Variants in DCLK1 observed in about 807,000 individuals in gnomAD.
The protein encoded by DCLK1 is serine/threonine-protein kinase DCLK1.
DCLK1 carries 16 observed loss-of-function variants against 86.2 expected under a neutral mutation model. That is an observed-to-expected ratio of 0.19 (90% CI 0.13 to 0.28). The LOEUF is 0.28. DCLK1 is among the 10% of genes least tolerant of loss of function. The pLI, the probability that DCLK1 is intolerant of heterozygous loss-of-function variation, is 1.00. For missense variants in DCLK1, 590 were observed against 940.2 expected (o/e 0.63, Z 4.87); for synonymous variants, 369 against 370.5 (o/e 1.00, Z 0.05).
chr13:35,965,866 C>A (rs1488062399), intron 3 of DCLK1, among the ~76,000 whole-genome samples: 1 of 151,922 alleles, frequency 6.6e-6, no homozygotes, highest in Admixed American at 6.6e-5. Context: ...AAAACAAGAA[C>A]AATAAGAGAC....
At chr13:35,895,802 C>T (rs745828574) in intron 4 of DCLK1, among the ~76,000 whole-genome samples, 1 of 151,402 alleles carries the variant, frequency 6.6e-6, no homozygotes, top group Non-Finnish European at 1.5e-5. Context: ...AGAGTAAACG[C>T]TCTTTTAGTA....
chr13:36,054,485 A>G (rs1484731206), intron 3 of DCLK1, among the ~76,000 whole-genome samples: 1 of 152,206 alleles, frequency 6.6e-6, no homozygotes, highest in Non-Finnish European at 1.5e-5. Context: ...TATGCTAATA[A>G]CTAAACACTG....
chr13:35,850,582 T>C, intron 6 of DCLK1: 1 of 1,272,052 alleles, frequency 7.9e-7, no homozygotes, highest in Non-Finnish European at 1.0e-6. Flanking sequence ...TGCATACATA[T>C]TTACTTTTGG....
intron 5 of DCLK1, among the ~76,000 whole-genome samples, chr13:35,868,240 C>G (rs1436117530): frequency 6.6e-6 from 1 of 152,076 alleles, no homozygotes; most frequent in Non-Finnish European, 1.5e-5. Flanking sequence ...CCAGGATGGT[C>G]TCGATCTCCT....
intron 3 of DCLK1, among the ~76,000 whole-genome samples, chr13:35,966,235 AC>A (rs1878726163): frequency 6.6e-6 from 1 of 152,204 alleles, no homozygotes; most frequent in South Asian, 2.1e-4. Context: ...CTGATTTCTC[AC>A]AAAAAATTAA....
At chr13:35,800,137 T>C (rs1255826356) in intron 15 of DCLK1, among the ~76,000 whole-genome samples, 1 of 152,242 alleles carries the variant, frequency 6.6e-6, no homozygotes, top group Non-Finnish European at 1.5e-5. Flanking sequence ...TTCACCAACA[T>C]TAATCACAAT....
chr13:36,017,674 A>AACC (rs1192643202), intron 3 of DCLK1, among the ~76,000 whole-genome samples: 1 of 152,180 alleles, frequency 6.6e-6, no homozygotes, highest in Non-Finnish European at 1.5e-5. Flanking sequence ...ATGCTTCACC[A>AACC]ACCACCACAT....
At chr13:36,117,646 T>C (rs941864041) in intron 2 of DCLK1, among the ~76,000 whole-genome samples, 1 of 151,922 alleles carries the variant, frequency 6.6e-6, no homozygotes, top group Non-Finnish European at 1.5e-5. Flanking sequence ...AAACAACAAA[T>C]AACAAAACTG....
Position 35,826,540 on chromosome 13 carries a change from A to AGGAAGGAAGGAAGGAAGGAAGGAAGG in DCLK1, c.1407+1094_1407+1095insCCTTCCTTCCTTCCTTCCTTCCTTCC, listed in dbSNP as rs1382422000. ...CTCCATCTCAAAAAAAAAAAAAAAA[A>AGGAAGGAAGGAAGGAAGGAAGGAAGG]AAGAAAGAAAGAAAGAAAGAAACAA... is the stretch of plus-strand genomic sequence containing the variant. On this transcript the variant is annotated intron_variant, in intron 10 of 16. Transcript: ENST00000360631. Among the ~76,000 whole-genome samples, 632 of 92,754 alleles carry AGGAAGGAAGGAAGGAAGGAAGGAAGG rather than the reference A, an allele frequency of 6.8e-3. 183 individuals carry two copies. Among genetic ancestry groups the AGGAAGGAAGGAAGGAAGGAAGGAAGG allele is most frequent in the Non-Finnish European group, 8.9e-3 (347 of 38,986 alleles). 60.9% of individuals were successfully genotyped at this position (92,754 alleles called of 152,430 possible).
intron 3 of DCLK1, among the ~76,000 whole-genome samples, chr13:36,013,845 T>C (rs1379926190): frequency 6.6e-6 from 1 of 152,206 alleles, no homozygotes; most frequent in Non-Finnish European, 1.5e-5. Flanking sequence ...CGCCTTGCAG[T>C]TTGATCTCAG....
chr13:35,837,255 A>T (rs990517016), intron 7 of DCLK1, among the ~76,000 whole-genome samples: 5 of 152,248 alleles, frequency 3.3e-5, no homozygotes, highest in Admixed American at 1.3e-4. Context: ...AGTTGGCATC[A>T]ATCTGAATTC....
intron 4 of DCLK1, among the ~76,000 whole-genome samples, chr13:35,944,638 T>C (rs1197374943): frequency 1.3e-5 from 2 of 152,176 alleles, no homozygotes; most frequent in Non-Finnish European, 2.9e-5. Context: ...TGAGCCCCTT[T>C]CCTTCCATAT....
intron 3 of DCLK1, among the ~76,000 whole-genome samples, chr13:36,005,250 G>A (rs1880899114): frequency 6.6e-6 from 1 of 152,150 alleles, no homozygotes; most frequent in African/African-American, 2.4e-5. Flanking sequence ...TTGTAAGAGT[G>A]AGTATTTGGA....
chr13:36,095,397 G>A (rs114785440), intron 3 of DCLK1, among the ~76,000 whole-genome samples: 1 of 151,790 alleles, frequency 6.6e-6, no homozygotes, highest in African/African-American at 2.4e-5. Context: ...AGTAGAGACG[G>A]GTTTCACTGT....
At chr13:35,827,805 G>A (rs371280514) in intron 9 of DCLK1, 51 bp from the exon 10 acceptor site, 68 of 1,604,740 alleles carry the variant, frequency 4.2e-5, no homozygotes, top group Non-Finnish European at 5.4e-5. Flanking sequence ...CATGTGGAGG[G>A]CTAACTCAAA....
At chr13:35,925,301 G>A (rs1276871757) in intron 4 of DCLK1, among the ~76,000 whole-genome samples, 1 of 152,206 alleles carries the variant, frequency 6.6e-6, no homozygotes, top group Non-Finnish European at 1.5e-5. Flanking sequence ...CTAGAGAAGA[G>A]GTAGTCAGGC....
At chr13:35,936,127 T>C (rs1310509469) in intron 4 of DCLK1, among the ~76,000 whole-genome samples, 1 of 152,044 alleles carries the variant, frequency 6.6e-6, no homozygotes, top group Non-Finnish European at 1.5e-5. Context: ...CAAGACACTA[T>C]GAAGGGTCAA....
At chr13:35,955,850 G>A (rs542827855) in intron 3 of DCLK1, among the ~76,000 whole-genome samples, 1 of 152,170 alleles carries the variant, frequency 6.6e-6, no homozygotes, top group South Asian at 2.1e-4. Flanking sequence ...ATACTAGTAA[G>A]GCATAGTAGG....
intron 4 of DCLK1, among the ~76,000 whole-genome samples, chr13:35,895,909 C>T (rs1873941945): frequency 7.0e-6 from 1 of 143,344 alleles, no homozygotes; most frequent in Admixed American, 7.3e-5. Flanking sequence ...TTAAAAAATT[C>T]TACAAACGCC....
Sources: gnomAD v4.1 joint callset for allele counts (sites outside exome capture counted in the v4.1 genomes callset) on GRCh38, gnomAD v4.1.1 for gene constraint, MANE v1.5 for transcripts, NCBI Gene and HGNC (gene_info 2026-07-23, HGNC 2026-07-21) for gene names.